The following MROH2A variants were observed in gnomAD, a reference collection of about 807,000 sequenced individuals.
MROH2A encodes the protein maestro heat like repeat family member 2A.
MROH2A carries 174 observed loss-of-function variants against 200.4 expected under a neutral mutation model. The observed-to-expected ratio is 0.87, with a 90% CI of 0.77 to 0.98. MROH2A has a LOEUF of 0.98. Among genes scored for constraint, MROH2A ranks in the 50% least tolerant of loss-of-function variants. MROH2A has a pLI of 0.00. For missense variants in MROH2A, 2,045 were observed against 2,139.6 expected (o/e 0.96, Z 0.87); for synonymous variants, 829 against 840.4 (o/e 0.99, Z 0.23).
chr2:233,794,528 G>A, intron 8 of MROH2A, 22 bp downstream of exon 8: 1 of 1,333,564 alleles, frequency 7.5e-7, no homozygotes, highest in Non-Finnish European at 1.1e-6. Flanking sequence ...GGCAGCCACG[G>A]CTCTGGGCAG....
At chr2:233,800,633 G>GTGTA (rs58182755) in intron 14 of MROH2A, among the ~76,000 whole-genome samples, 2 of 19,698 alleles carry the variant, frequency 1.0e-4, no homozygotes, top group African/African-American at 3.3e-4. Context: ...GTGTGTGTAT[G>GTGTA]TGTGTGTGTG....
Position 233,807,543 on chromosome 2 carries a change from G to A in MROH2A, c.2172+1G>A. 1.9e-6 allele frequency: 3 copies of A among 1,550,452 alleles called. No individual in the cohort carries two copies. The highest frequency in any genetic ancestry group is 1.2e-5 in the South Asian group (1 of 84,052). On this transcript the variant is annotated splice_donor_variant, in intron 20 of 41. Transcript: ENST00000389758. LOFTEE classifies it high-confidence loss of function. This position sits in a 1 kb window ranked among gnomAD's most constrained non-coding sequence, Gnocchi z 4.3. ...CTACAGCAATGACTTTGACAGCGAG[G>A]TGAGGGTGCCTGCAGCCTCCTCCTG...
chr2:233,797,768 T>G (rs1318790136), intron 11 of MROH2A, among the ~76,000 whole-genome samples: 1 of 152,160 alleles, frequency 6.6e-6, no homozygotes, highest in Admixed American at 6.5e-5. Context: ...CTGTGTGTGA[T>G]GTTCCCCTCC....
intron 1 of MROH2A, 106 bp from the exon 2 acceptor site, chr2:233,779,239 C>T (rs1437797749): frequency 4.3e-6 from 3 of 693,684 alleles, no homozygotes; most frequent in South Asian, 3.5e-5. Flanking sequence ...CAGGTTCCAC[C>T]CACACACCCT....
At chr2:233,787,359 G>A (rs965016160) in intron 3 of MROH2A, among the ~76,000 whole-genome samples, 2 of 148,072 alleles carry the variant, frequency 1.4e-5, no homozygotes, top group Non-Finnish European at 3.0e-5. Flanking sequence ...TAGTTCTTGG[G>A]GGACAAAGAA....
Position 233,818,716 on chromosome 2 carries a change from C to A in MROH2A, c.3150C>A (p.Asp1050Glu), listed in dbSNP as rs1314422298. Residue 1050 changes from aspartate to glutamate, a missense_variant, in exon 29 of 42, where the codon GAC becomes GAA. This residue lies in a region of MROH2A where 1,201 missense variants were observed against 1,311.3 expected (regional missense o/e 0.92). Coordinates refer to ENST00000389758, the MANE Select transcript of MROH2A (RefSeq NM_001394639.1). ...KQKELEKCKG[D>E]LQSTDVEKIF... ...AGGAGCTTGAGAAATGTAAGGGGGA[C>A]CTCCAGAGCACAGATGTGGAGAAGA... The A allele has an allele frequency of 1.3e-6, 2 of 1,550,354 alleles. No homozygotes were observed. Among genetic ancestry groups the A allele is most frequent in the Non-Finnish European group, 1.7e-6 (2 of 1,146,840 alleles).
chr2:233,825,993 C>G (rs1462994098), intron 35 of MROH2A, among the ~76,000 whole-genome samples: 5 of 134,974 alleles, frequency 3.7e-5, no homozygotes, highest in Non-Finnish European at 6.1e-5. Flanking sequence ...GGCGTGATCT[C>G]AGCTCACTGC....
rs1702862843 is a variant in MROH2A at position 233,807,315 on chromosome 2, T to C, written c.2053-108T>C. On this transcript the variant is annotated intron_variant, in intron 19 of 41. Coordinates refer to ENST00000389758, the MANE Select transcript of MROH2A (RefSeq NM_001394639.1). This position sits in a 1 kb window ranked among gnomAD's most constrained non-coding sequence, Gnocchi z 4.3. ...TGTAAACGTGTGTGCAAGTATCTTCTGCACATTAAAATAAATTGAAAAATA... is the reference window on the plus strand; with the variant it reads ...TGTAAACGTGTGTGCAAGTATCTTCCGCACATTAAAATAAATTGAAAAATA... 1 of 1,239,292 alleles carries C rather than the reference T, an allele frequency of 8.1e-7. No homozygotes were observed. Among genetic ancestry groups the C allele is most frequent in the Non-Finnish European group, 1.1e-6 (1 of 916,226 alleles). The allele number at this position is 1,239,292 out of a possible 1,614,324, so 76.8% of individuals were successfully genotyped here. A position where few individuals can be genotyped will look rare whatever the true frequency, so the allele number is the denominator to read the frequency against.
intron 14 of MROH2A, 137 bp downstream of exon 14, chr2:233,800,452 G>T (rs1702391277): frequency 3.3e-6 from 2 of 610,860 alleles, no homozygotes; most frequent in Non-Finnish European, 5.7e-6. Context: ...TCTTCCAGTT[G>T]CCTGGAATTA....
chr2:233,795,700 C>G lies in MROH2A; in HGVS notation c.1014C>G (p.Val338=), dbSNP rs779847448. The G allele has an allele frequency of 2.6e-6, 4 of 1,551,102 alleles. No individual in the cohort carries two copies. The East Asian group carries it at 7.3e-5, about 28-fold the overall frequency. The change falls in exon 9 of 42, where the codon GTC becomes GTG. Residue 338 remains valine (V), a synonymous_variant. Transcript: ENST00000389758. ...TGTCAGTCACCACCAACACCCCTGT[C>G]CCCCAAATGCAGCTACACACCATTT... ...LELSVTTNTP[V]PQMQLHTIFT... is the part of the protein sequence containing the mutation.
intron 3 of MROH2A, among the ~76,000 whole-genome samples, chr2:233,786,654 T>C (rs2126088022): frequency 6.6e-6 from 1 of 152,312 alleles, no homozygotes. Context: ...AGGAACTGGC[T>C]AGCTCTGGGA....
chr2:233,826,741 G>C (rs1704336710), intron 35 of MROH2A, among the ~76,000 whole-genome samples: 1 of 152,080 alleles, frequency 6.6e-6, no homozygotes, highest in South Asian at 2.1e-4. Context: ...TTAAACTAAG[G>C]AGCTTCTGCA....
intron 3 of MROH2A, among the ~76,000 whole-genome samples, chr2:233,781,512 C>A (rs932325774): frequency 6.6e-6 from 1 of 151,982 alleles, no homozygotes; most frequent in African/African-American, 2.4e-5. Flanking sequence ...TTTTTTATAT[C>A]CCTGTTGGCC....
intron 35 of MROH2A, among the ~76,000 whole-genome samples, chr2:233,825,298 TTGA>T (rs1414418082): frequency 6.6e-6 from 1 of 152,220 alleles, no homozygotes; most frequent in African/African-American, 2.4e-5. Flanking sequence ...CCCTTCCTAT[TTGA>T]ATACGCTTTA....
At chr2:233,783,777 T>A (rs1701063110) in intron 3 of MROH2A, among the ~76,000 whole-genome samples, 1 of 152,140 alleles carries the variant, frequency 6.6e-6, no homozygotes, top group African/African-American at 2.4e-5. Context: ...TGACCTCAAG[T>A]GATCTGCCCA....
intron 41 of MROH2A, 27 bp from the exon 42 acceptor site, chr2:233,833,111 A>G: frequency 1.3e-6 from 2 of 1,523,620 alleles, no homozygotes; most frequent in Non-Finnish European, 1.8e-6. Flanking sequence ...CGGGGCCTGA[A>G]CCTTCCCTCT....
intron 30 of MROH2A, 93 bp from the exon 31 acceptor site, chr2:233,819,809 C>A: frequency 7.3e-7 from 1 of 1,360,986 alleles, no homozygotes; most frequent in Non-Finnish European, 9.7e-7. Flanking sequence ...TCCAACTGGG[C>A]CAGAGCCCTT....
intron 3 of MROH2A, among the ~76,000 whole-genome samples, chr2:233,781,096 G>A (rs1301865719): frequency 3.3e-5 from 5 of 152,008 alleles, no homozygotes; most frequent in African/African-American, 7.2e-5. Flanking sequence ...ATAATATTCC[G>A]TTGTCTGTGT....
Position 233,822,550 on chromosome 2 carries a change from T to G in MROH2A, c.3860T>G (p.Leu1287Arg), listed in dbSNP as rs961542437. 6.5e-7 allele frequency: 1 copy of G among 1,549,320 alleles called. No individual in the cohort carries two copies. ...ACTCCTCTGCCGGAGGAGATGAACC[T>G]GCAAAGGTGCTCTCGAGGGCGGTGG... ...HTTPLPEEMN[L>R]QRVTIKSMQL... The change falls in exon 33 of 42, where the codon CTG becomes CGG. Residue 1287 changes from leucine to arginine, a missense_variant. This residue lies in a region of MROH2A where 1,201 missense variants were observed against 1,311.3 expected (regional missense o/e 0.92). Transcript: ENST00000389758.
Sources: gnomAD v4.1 joint callset for allele counts (sites outside exome capture counted in the v4.1 genomes callset) on GRCh38, gnomAD v4.1.1 for gene constraint, gnomAD v4.1.1 regional missense constraint, Gnocchi (gnomAD v3.1) non-coding constraint, MANE v1.5 for transcripts, NCBI Gene and HGNC (gene_info 2026-07-23, HGNC 2026-07-21) for gene names.